Variants in RIT1 observed in about 807,000 individuals in gnomAD.
The protein encoded by RIT1 is GTP-binding protein Rit1.
In RIT1, 6 loss-of-function variants were observed where a neutral mutation model predicts 25.6. The observed-to-expected ratio is 0.23, with a 90% confidence interval of 0.13 to 0.46. The LOEUF is 0.46. RIT1 is among the 20% of genes least tolerant of loss of function. The pLI is 0.99. For synonymous variants in RIT1, 81 were observed against 94.1 expected, an observed-to-expected ratio of 0.86 and a Z score of 0.80; for missense variants, 219 against 284.4, an observed-to-expected ratio of 0.77 and a Z score of 1.65.
intron 4 of RIT1, 60 bp downstream of exon 4, chr1:155,904,671 T>C: frequency 7.5e-7 from 1 of 1,325,110 alleles, no homozygotes; most frequent in Non-Finnish European, 1.1e-6. Flanking sequence ...TGTGTAGGCC[T>C]TCCCCTCCCC....
chr1:155,905,477 G>C (rs541663359), intron 3 of RIT1, among the ~76,000 whole-genome samples: 2 of 152,006 alleles, frequency 1.3e-5, no homozygotes, highest in South Asian at 4.2e-4. Flanking sequence ...TGGTATTACA[G>C]GTGTGGGCCA....
chr1:155,910,383 A>C, intron 3 of RIT1, 67 bp downstream of exon 3: 1 of 1,325,812 alleles, frequency 7.5e-7, no homozygotes. Flanking sequence ...ATAGTTAGAA[A>C]CTACTGATAT....
intron 3 of RIT1, among the ~76,000 whole-genome samples, chr1:155,905,282 G>C (rs534712632): frequency 3.4e-4 from 51 of 151,368 alleles, no homozygotes; most frequent in Non-Finnish European, 6.2e-4. Flanking sequence ...CTGTAGCCTT[G>C]ACTTCCCAGG....
chr1:155,909,759 T>C (rs1009886358), intron 3 of RIT1, among the ~76,000 whole-genome samples: 3 of 151,552 alleles, frequency 2.0e-5, no homozygotes, highest in African/African-American at 7.3e-5. Flanking sequence ...CCATCTCTAC[T>C]AAAAATACAA....
At chr1:155,909,239 T>A (rs550092) in intron 3 of RIT1, among the ~76,000 whole-genome samples, 3 of 151,964 alleles carry the variant, frequency 2.0e-5, no homozygotes, top group Middle Eastern at 3.4e-3. Context: ...TTAGCCGGGC[T>A]TGGTGGCGGG....
Position 155,900,613 on chromosome 1 carries a change from G to C in RIT1, c.435C>G (p.Thr145=). 1 of 1,613,712 alleles carries C rather than the reference G, an allele frequency of 6.2e-7. No individual in the cohort carries two copies. The highest frequency in any genetic ancestry group is 1.3e-5 in the African/African-American group (1 of 75,008). Reference sequence around the variant, plus strand: ...GGGCCAAGGCCAATCCTTCTTCCTTGGTGACCTTTAAGGGCAAAATGTGAG... The same window carrying C: ...GGGCCAAGGCCAATCCTTCTTCCTTCGTGACCTTTAAGGGCAAAATGTGAG... ...KSDLKQLRQV[T]KEEGLALARE... is the part of the protein sequence containing the mutation. The change falls in exon 6 of 6, where the codon ACC becomes ACG. Residue 145 remains threonine, a synonymous_variant. Transcript: ENST00000368323.
In RIT1 at chr1:155,899,774, A is replaced by T. The variant is rs905683359; in HGVS notation, c.*614T>A. On this transcript the variant is annotated 3_prime_UTR_variant, in exon 6 of 6. Transcript: ENST00000368323. ...TGGGCCAAATGTGTACTTCTTAGAA[A>T]AGCGAAGCTTGTACTGAGAATACTG... 9.0e-6 allele frequency: 2 copies of T among 221,360 alleles called. No individual in the cohort carries two copies. The highest frequency in any genetic ancestry group is 2.2e-5 in the African/African-American group (1 of 44,732). 13.7% of individuals were successfully genotyped at this position (221,360 alleles called of 1,614,324 possible).
intron 5 of RIT1, among the ~76,000 whole-genome samples, 179 bp from the exon 6 acceptor site, chr1:155,900,797 C>T (rs1474111340): frequency 6.6e-6 from 1 of 152,192 alleles, no homozygotes; most frequent in East Asian, 1.9e-4. Context: ...ATTCTGCCTT[C>T]AAATGATATG....
rs1278992304 is a variant in RIT1, at chr1:155,898,674, C to T, written c.*1714G>A. ...AGAATTGCACTGTATTTCTTTTCTA[C>T]TTTGATGCTTTTCCAAAGTGCTATA... On this transcript the variant is annotated 3_prime_UTR_variant, in exon 6 of 6. Transcript: ENST00000368323. The T allele has an allele frequency of 5.2e-6, 1 of 191,060 alleles. No individual in the cohort carries two copies. Among genetic ancestry groups the T allele is most frequent in the East Asian group, 8.2e-5 (1 of 12,218 alleles). The allele number at this position is 191,060 out of a possible 1,614,324, so 11.8% of individuals were successfully genotyped here. A position where few individuals can be genotyped will look rare whatever the true frequency, so the allele number is the denominator to read the frequency against.
chr1:155,910,836 G>A, intron 1 of RIT1, 32 bp from the exon 2 acceptor site: 1 of 1,612,328 alleles, frequency 6.2e-7, no homozygotes, highest in Non-Finnish European at 8.5e-7. Flanking sequence ...CTTAATCCAG[G>A]ATGGAGACAC....
chr1:155,900,645 T>C (rs1349774545), intron 5 of RIT1, 27 bp from the exon 6 acceptor site: 3 of 1,586,240 alleles, frequency 1.9e-6, no homozygotes, highest in Admixed American at 3.4e-5. Flanking sequence ...TGAGAAAAGA[T>C]AACAGTGAAA....
Position 155,899,235 on chromosome 1 carries a change from A to C in RIT1, c.*1153T>G, listed in dbSNP as rs933411235. The C allele has an allele frequency of 4.9e-6, 1 of 203,432 alleles. No individual in the cohort carries two copies. The highest frequency in any genetic ancestry group is 1.0e-5 in the Non-Finnish European group (1 of 98,866). 12.6% of individuals were successfully genotyped at this position (203,432 alleles called of 1,614,324 possible). ...TGGTCAAGGCTCAGATAACCCTGAG[A>C]TGAACTTAGCAAAGTCCTTGTAAAG... On this transcript the variant is annotated 3_prime_UTR_variant, in exon 6 of 6. Transcript: ENST00000368323.
rs1414643477 is a variant in RIT1 at position 155,898,509 on chromosome 1, AAAAAAAAAAAT to A, written c.*1868_*1878del. 2.4e-4 allele frequency: 27 copies of A among 114,208 alleles called. No individual in the cohort carries two copies. The highest frequency in any genetic ancestry group is 1.6e-3 in the South Asian group (5 of 3,090). 7.1% of individuals were successfully genotyped at this position (114,208 alleles called of 1,614,324 possible). On this transcript the variant is annotated 3_prime_UTR_variant, in exon 6 of 6. Coordinates refer to ENST00000368323, the MANE Select transcript of RIT1 (RefSeq NM_006912.6). ...TCTCTATTTAAAAAAAAAAAAAAAA[AAAAAAAAAAAT>A]ATATATATATATATATATATATATC...
At position 155,910,526 on chromosome 1, in the gene RIT1, AGTC is replaced by A; in HGVS notation, c.107-23_107-21del. The A allele has an allele frequency of 6.2e-7, 1 of 1,613,814 alleles. No homozygotes were observed. Among genetic ancestry groups the A allele is most frequent in the South Asian group, 1.1e-5 (1 of 91,030 alleles). ...TCATGGCTTCAAAAGAAGAAATAAA[AGTC>A]AAATCCTCACAAAGGTGACCCACAG... is the stretch of plus-strand genomic sequence containing the variant. On this transcript the variant is annotated intron_variant, in intron 2 of 5. Coordinates refer to ENST00000368323, the MANE Select transcript of RIT1 (RefSeq NM_006912.6).
At position 155,904,505 on chromosome 1, in the gene RIT1, A is replaced by G. The variant is rs1374499534; in HGVS notation, c.238-3T>C. 1 of 1,609,782 alleles carries G rather than the reference A, an allele frequency of 6.2e-7. No individual in the cohort carries two copies. The highest frequency in any genetic ancestry group is 1.7e-5 in the Admixed American group (1 of 59,918). The stretch of plus-strand genomic sequence containing the variant: ...TCCCGCATGGCTGTAAACTCTGCCT[A>G]GAGGGAAACAAGGGTCATTATGTAT... On this transcript the variant is annotated splice_region_variant and splice_polypyrimidine_tract_variant and intron_variant, in intron 4 of 5. Transcript: ENST00000368323.
chr1:155,900,643 G>C (rs1673294796), intron 5 of RIT1, 25 bp from the exon 6 acceptor site: 1 of 1,586,280 alleles, frequency 6.3e-7, no homozygotes, highest in Non-Finnish European at 8.6e-7. Context: ...TGTGAGAAAA[G>C]ATAACAGTGA....
rs1269144362 is a variant in RIT1, at chr1:155,910,783, G to T, written c.-22C>A. On this transcript the variant is annotated 5_prime_UTR_variant, in exon 2 of 6. Coordinates refer to ENST00000368323, the MANE Select transcript of RIT1 (RefSeq NM_006912.6). Reference sequence around the variant, plus strand: ...CCATTGTCCTCTTGGGGCCTTCCTCGGTTGCCCCGAGGAAAAGCCACCTAG... The same window carrying T: ...CCATTGTCCTCTTGGGGCCTTCCTCTGTTGCCCCGAGGAAAAGCCACCTAG... The T allele has an allele frequency of 6.2e-7, 1 of 1,614,138 alleles. No individual in the cohort carries two copies. Among genetic ancestry groups the T allele is most frequent in the Non-Finnish European group, 8.5e-7 (1 of 1,180,016 alleles).
intron 3 of RIT1, among the ~76,000 whole-genome samples, chr1:155,909,340 C>T (rs1296243344): frequency 6.6e-5 from 10 of 151,044 alleles, no homozygotes; most frequent in Admixed American, 1.3e-4. Context: ...ATTGTGCCAC[C>T]GCACTCCAGC....
At chr1:155,908,040 C>T (rs1673487990) in intron 3 of RIT1, among the ~76,000 whole-genome samples, 1 of 149,758 alleles carries the variant, frequency 6.7e-6, no homozygotes, top group Non-Finnish European at 1.5e-5. Context: ...TGCAGTGAGC[C>T]GAGATCATGC....
Sources: allele counts gnomAD v4.1 joint callset (sites outside exome capture counted in the v4.1 genomes callset), GRCh38; gene constraint gnomAD v4.1.1; transcripts MANE v1.5; gene names NCBI Gene and HGNC (gene_info 2026-07-23, HGNC 2026-07-21).